The following GOLM2 variants were observed in gnomAD, a reference collection of about 807,000 sequenced individuals.
GOLM2 encodes the protein golgi membrane protein 2.
GOLM2 carries 26 observed loss-of-function variants against 55.9 expected under a neutral mutation model. The ratio of observed to expected loss-of-function variants is 0.47; its 90% CI spans 0.34 to 0.65. GOLM2 has a LOEUF of 0.65. Ranked by LOEUF, GOLM2 falls within the 30% of genes least tolerant of loss-of-function variation. The pLI, the probability that GOLM2 is intolerant of heterozygous loss-of-function variation, is 0.01. For missense variants in GOLM2, 486 were observed against 531.8 expected (o/e 0.91, Z 0.85); for synonymous variants, 165 against 194.6 (o/e 0.85, Z 1.27).
intron 1 of GOLM2, among the ~76,000 whole-genome samples, chr15:44,306,060 A>G (rs1178551107): frequency 4.6e-5 from 7 of 152,218 alleles, no homozygotes; most frequent in African/African-American, 1.4e-4. Context: ...TAAAGTCACC[A>G]GCTGTCCCTA....
chr15:44,297,648 G>A (rs562663322), intron 1 of GOLM2, among the ~76,000 whole-genome samples: 3 of 150,512 alleles, frequency 2.0e-5, no homozygotes, highest in South Asian at 2.1e-4. Flanking sequence ...TGCAAGCTCC[G>A]CCTCCCGGGT....
intron 1 of GOLM2, among the ~76,000 whole-genome samples, chr15:44,321,700 T>A (rs1181218671): frequency 6.6e-6 from 1 of 152,176 alleles, no homozygotes; most frequent in Non-Finnish European, 1.5e-5. Context: ...GTGTGAAGGT[T>A]ACCTGGGACC....
At chr15:44,376,034 C>T (rs905657118) in intron 6 of GOLM2, among the ~76,000 whole-genome samples, 3 of 152,064 alleles carry the variant, frequency 2.0e-5, no homozygotes, top group South Asian at 4.1e-4. Flanking sequence ...GTCAGGAGTT[C>T]GAGACCAGTC....
intron 6 of GOLM2, 118 bp from the exon 7 acceptor site, chr15:44,379,572 A>G (rs1274352968): frequency 1.5e-6 from 1 of 654,240 alleles, no homozygotes; most frequent in African/African-American, 1.8e-5. Flanking sequence ...TTACAAAATT[A>G]GAATAAACAT....
intron 6 of GOLM2, among the ~76,000 whole-genome samples, chr15:44,351,722 A>G (rs185685820): frequency 6.6e-6 from 1 of 152,302 alleles, no homozygotes; most frequent in African/African-American, 2.4e-5. Context: ...TGATAAATTC[A>G]GTAAAGTTGC....
intron 6 of GOLM2, among the ~76,000 whole-genome samples, chr15:44,346,700 T>A (rs1424584565): frequency 1.3e-5 from 2 of 152,178 alleles, no homozygotes; most frequent in African/African-American, 4.8e-5. Flanking sequence ...TTGAAACCAG[T>A]AATAGTGGTT....
At chr15:44,404,817 C>T (rs1451800688) in intron 9 of GOLM2, among the ~76,000 whole-genome samples, 1 of 152,146 alleles carries the variant, frequency 6.6e-6, no homozygotes, top group East Asian at 1.9e-4. Context: ...CTGATAATTG[C>T]ATGCTTTTCT....
chr15:44,288,874 C>T lies in GOLM2; in HGVS notation c.-156C>T. ...CGGGGAGGGACCTGCGGCTTGCGGC[C>T]CCGCCCCCTTCTCCGGCTCGCAGCC... is the stretch of plus-strand genomic sequence containing the variant. On this transcript the variant is annotated 5_prime_UTR_variant, in exon 1 of 10. Coordinates refer to ENST00000299957, the MANE Select transcript of GOLM2 (RefSeq NM_138423.4). 1 of 658,874 alleles carries T rather than the reference C, an allele frequency of 1.5e-6. No individual in the cohort carries two copies. The allele number at this position is 658,874 out of a possible 1,614,324, so 40.8% of individuals were successfully genotyped here.
At chr15:44,371,968 C>G (rs1290769209) in intron 6 of GOLM2, among the ~76,000 whole-genome samples, 1 of 152,108 alleles carries the variant, frequency 6.6e-6, no homozygotes, top group Non-Finnish European at 1.5e-5. Flanking sequence ...GGAAAATATT[C>G]TCACTTAGTC....
At chr15:44,319,574 TTTGG>T (rs1237422844) in intron 1 of GOLM2, among the ~76,000 whole-genome samples, 1 of 151,946 alleles carries the variant, frequency 6.6e-6, no homozygotes, top group Non-Finnish European at 1.5e-5. Context: ...TTTTTGTTTG[TTTGG>T]TTGGTTTTGT....
At chr15:44,379,667 T>C (rs2079388843) in intron 6 of GOLM2, 23 bp from the exon 7 acceptor site, 2 of 1,038,382 alleles carry the variant, frequency 1.9e-6, no homozygotes, top group Non-Finnish European at 2.9e-6. Flanking sequence ...GGGAATAATA[T>C]GGATTTATTT....
At chr15:44,407,052 T>A (rs1380765826) in intron 9 of GOLM2, among the ~76,000 whole-genome samples, 1 of 147,462 alleles carries the variant, frequency 6.8e-6, no homozygotes, top group Non-Finnish European at 1.5e-5. Flanking sequence ...AGTATATATA[T>A]AAATTATATA....
chr15:44,380,859 A>G lies in GOLM2; in HGVS notation c.955A>G (p.Ser319Gly). The G allele has an allele frequency of 6.3e-7, 1 of 1,597,454 alleles. No homozygotes were observed. The highest frequency in any genetic ancestry group is 1.3e-5 in the African/African-American group (1 of 74,654). The change falls in exon 8 of 10, where the codon AGT becomes GGT. Residue 319 changes from serine to glycine, a missense_variant. Ser to Gly is a moderately conservative substitution (Grantham distance 56). Coordinates refer to ENST00000299957, the MANE Select transcript of GOLM2 (RefSeq NM_138423.4). ...NPGTSKQNPSSPLQRLIPGSN... is the reference protein window; with the variant it reads ...NPGTSKQNPSGPLQRLIPGSN... The stretch of plus-strand genomic sequence containing the variant: ...CGGTACTTCAAAACAGAATCCTTCC[A>G]GTCCTCTTCAGCGTTTAATTCCAGG...
chr15:44,400,717 C>T (rs1340482651), intron 8 of GOLM2, among the ~76,000 whole-genome samples: 2 of 151,640 alleles, frequency 1.3e-5, no homozygotes, highest in East Asian at 3.9e-4. Flanking sequence ...GCTGGGACTA[C>T]AGGCGCCTGC....
intron 1 of GOLM2, among the ~76,000 whole-genome samples, chr15:44,299,253 C>T (rs1216521165): frequency 1.3e-5 from 2 of 152,030 alleles, no homozygotes; most frequent in African/African-American, 4.8e-5. Context: ...TACACAAATG[C>T]ATACTTAAAA....
intron 8 of GOLM2, among the ~76,000 whole-genome samples, chr15:44,397,478 CAAAAAAAAAAAA>C (rs1007948393): frequency 1.2e-3 from 40 of 32,560 alleles, no homozygotes; most frequent in Admixed American, 0.012. Context: ...GACTCCGTCT[CAAAAAAAAAAAA>C]AAAAAAAAAA....
At chr15:44,293,131 A>G (rs2078732894) in intron 1 of GOLM2, among the ~76,000 whole-genome samples, 1 of 151,932 alleles carries the variant, frequency 6.6e-6, no homozygotes, top group Non-Finnish European at 1.5e-5. Context: ...AGATCTGGAA[A>G]ATTATTGGAA....
At position 44,289,006 on chromosome 15, in the gene GOLM2, T is replaced by C; in HGVS notation, c.-24T>C. 6.2e-7 allele frequency: 1 copy of C among 1,600,444 alleles called. No individual in the cohort carries two copies. The highest frequency in any genetic ancestry group is 2.2e-5 in the East Asian group (1 of 44,750). On this transcript the variant is annotated 5_prime_UTR_variant, in exon 1 of 10. Coordinates refer to ENST00000299957, the MANE Select transcript of GOLM2 (RefSeq NM_138423.4). The surrounding 1 kb of genome is among the most constrained non-coding windows in gnomAD (Gnocchi z 4.8). ...CTGCAGGTGTCTGCGGCGAGGCCCCTAGGGTACAGCCCGATTTGGCCCCAT... is the reference window on the plus strand; with the variant it reads ...CTGCAGGTGTCTGCGGCGAGGCCCCCAGGGTACAGCCCGATTTGGCCCCAT...
chr15:44,411,123 G>A (rs1372431026), intron 9 of GOLM2, among the ~76,000 whole-genome samples: 2 of 144,122 alleles, frequency 1.4e-5, no homozygotes, highest in Non-Finnish European at 3.0e-5. Flanking sequence ...CCAGGCTCAA[G>A]CAATCCTCCT....
Sources: gnomAD v4.1 joint callset for allele counts (sites outside exome capture counted in the v4.1 genomes callset) on GRCh38, gnomAD v4.1.1 for gene constraint, Gnocchi (gnomAD v3.1) non-coding constraint, MANE v1.5 for transcripts, NCBI Gene and HGNC (gene_info 2026-07-23, HGNC 2026-07-21) for gene names.